Variants in KCNMA1 observed in about 807,000 individuals in gnomAD.
KCNMA1 encodes potassium calcium-activated channel subfamily M alpha 1, also known as Calcium-activated potassium channel subunit alpha-1.
KCNMA1 carries 29 observed loss-of-function variants against 140.0 expected under a neutral mutation model. The ratio of observed to expected loss-of-function variants is 0.21; its 90% CI spans 0.15 to 0.28. The LOEUF (loss-of-function observed/expected upper bound fraction) is 0.28. Ranked by LOEUF, KCNMA1 falls within the 10% of genes least tolerant of loss-of-function variation. The pLI, the probability that KCNMA1 is intolerant of heterozygous loss-of-function variation, is 1.00. For missense variants in KCNMA1, 880 were observed against 1,602.2 expected (o/e 0.55, Z 7.70); for synonymous variants, 612 against 611.9 (o/e 1.00, Z 0.00).
chr10:77,183,130 A>G (rs571914834), intron 5 of KCNMA1, among the ~76,000 whole-genome samples: 14 of 152,166 alleles, frequency 9.2e-5, no homozygotes, highest in Non-Finnish European at 1.9e-4. Context: ...AAGTTCCTGA[A>G]TGAAAAGTGA....
intron 3 of KCNMA1, among the ~76,000 whole-genome samples, chr10:77,198,748 G>T (rs557397180): frequency 8.6e-5 from 13 of 151,676 alleles, no homozygotes; most frequent in Admixed American, 2.6e-4. Flanking sequence ...CATTTTTCTT[G>T]CCTCTTCTGC....
intron 19 of KCNMA1, among the ~76,000 whole-genome samples, chr10:77,001,179 TC>T (rs1455921719): frequency 1.3e-5 from 2 of 151,964 alleles, no homozygotes; most frequent in Non-Finnish European, 2.9e-5. Flanking sequence ...AATATCACAG[TC>T]CTGCATGCTG....
At chr10:76,958,197 T>A (rs1424517983) in intron 20 of KCNMA1, among the ~76,000 whole-genome samples, 1 of 152,024 alleles carries the variant, frequency 6.6e-6, no homozygotes, top group Non-Finnish European at 1.5e-5. Context: ...GATCCCAACA[T>A]CTTCAGTTTG....
intron 1 of KCNMA1, among the ~76,000 whole-genome samples, chr10:77,476,044 A>T (rs1044916143): frequency 1.3e-5 from 2 of 152,068 alleles, no homozygotes; most frequent in Non-Finnish European, 2.9e-5. Context: ...AAGAAGTTCC[A>T]CCCGTACCCC....
chr10:76,932,168 A>G (rs1016784877), intron 23 of KCNMA1, among the ~76,000 whole-genome samples: 2 of 152,182 alleles, frequency 1.3e-5, no homozygotes, highest in African/African-American at 4.8e-5. Context: ...GTATATTTGC[A>G]TATTTATGAC....
intron 14 of KCNMA1, among the ~76,000 whole-genome samples, chr10:77,047,329 A>G (rs1188904468): frequency 6.6e-6 from 1 of 152,216 alleles, no homozygotes; most frequent in African/African-American, 2.4e-5. Context: ...GATTTCTTCC[A>G]TCAGGCATTA....
chr10:76,934,377 T>C (rs949516882), intron 23 of KCNMA1, among the ~76,000 whole-genome samples: 7 of 152,204 alleles, frequency 4.6e-5, no homozygotes, highest in Non-Finnish European at 5.9e-5. Context: ...CTATTGCCTA[T>C]AGAGAATAGG....
At chr10:77,012,079 T>A in intron 17 of KCNMA1, 36 bp from the exon 18 acceptor site, 1 of 1,612,832 alleles carries the variant, frequency 6.2e-7, no homozygotes, top group Non-Finnish European at 8.5e-7. Context: ...ACACGTTTCA[T>A]AATCCACCCA....
At chr10:76,890,996 G>A (rs888952334) in intron 26 of KCNMA1, among the ~76,000 whole-genome samples, 1 of 152,202 alleles carries the variant, frequency 6.6e-6, no homozygotes, top group African/African-American at 2.4e-5. Flanking sequence ...ACCAGTGCCT[G>A]GGTCCTATTC....
intron 25 of KCNMA1, among the ~76,000 whole-genome samples, chr10:76,907,712 T>A (rs1054817032): frequency 3.3e-5 from 5 of 152,226 alleles, no homozygotes; most frequent in South Asian, 2.1e-4. Flanking sequence ...CTAATTTTTT[T>A]ATATTTTTAG....
chr10:77,393,725 C>A (rs2095927225), intron 2 of KCNMA1, among the ~76,000 whole-genome samples: 1 of 152,228 alleles, frequency 6.6e-6, no homozygotes, highest in Non-Finnish European at 1.5e-5. Flanking sequence ...CTCCACCCAT[C>A]CTCCTTGTTT....
intron 5 of KCNMA1, among the ~76,000 whole-genome samples, chr10:77,129,326 T>C (rs1402732513): frequency 6.6e-6 from 1 of 152,168 alleles, no homozygotes; most frequent in Non-Finnish European, 1.5e-5. Context: ...TGCTTTAGAG[T>C]ATCTTTTATT....
intron 5 of KCNMA1, among the ~76,000 whole-genome samples, chr10:77,153,919 C>T (rs1330784716): frequency 1.3e-5 from 2 of 152,100 alleles, no homozygotes; most frequent in South Asian, 2.1e-4. Flanking sequence ...ACTTTCCCAA[C>T]GTCATTTGTA....
At chr10:76,998,849 G>A (rs574623246) in intron 19 of KCNMA1, among the ~76,000 whole-genome samples, 127 of 152,280 alleles carry the variant, frequency 8.3e-4, no homozygotes, top group Non-Finnish European at 1.5e-3. Context: ...GCTTATGCAG[G>A]CCCAAAAAGG....
intron 18 of KCNMA1, chr10:77,008,101 T>C: frequency 7.5e-7 from 1 of 1,337,506 alleles, no homozygotes; most frequent in Non-Finnish European, 1.0e-6. Flanking sequence ...AAACTAAAAC[T>C]GTACAGAAAA....
At chr10:77,624,429 G>C (rs2092142738) in intron 1 of KCNMA1, among the ~76,000 whole-genome samples, 1 of 152,078 alleles carries the variant, frequency 6.6e-6, no homozygotes, top group African/African-American at 2.4e-5. Context: ...TGACAGGTTT[G>C]ATGGTATTTC....
At chr10:76,965,633 C>T (rs891878082) in intron 20 of KCNMA1, among the ~76,000 whole-genome samples, 2 of 152,176 alleles carry the variant, frequency 1.3e-5, no homozygotes, top group Admixed American at 1.3e-4. Context: ...TAGCCACACC[C>T]AGGCATTTAC....
At position 77,217,666 on chromosome 10, in the gene KCNMA1, A is replaced by G. The variant is rs986215656; in HGVS notation, c.603-32750T>C. ...TGGTATGAAGTGCAGTTGCACCTCA[A>G]TTTATGCTGCAGATGCTTTCTTGAA... On this transcript the variant is annotated intron_variant, in intron 3 of 27. Transcript: ENST00000286628. 1.3e-5 allele frequency: 5 copies of G among 386,276 alleles called. No individual in the cohort carries two copies. The East Asian group carries it at 2.2e-4, about 17-fold the overall frequency. 23.9% of individuals were successfully genotyped at this position (386,276 alleles called of 1,614,324 possible). A position where few individuals can be genotyped will look rare whatever the true frequency, so the allele number is the denominator to read the frequency against.
intron 9 of KCNMA1, among the ~76,000 whole-genome samples, chr10:77,101,069 G>A (rs1051339623): frequency 5.9e-5 from 9 of 152,096 alleles, no homozygotes; most frequent in Non-Finnish European, 1.2e-4. Context: ...GATTTAATAT[G>A]CTTCCAAGTC....
Sources: allele counts gnomAD v4.1 joint callset (sites outside exome capture counted in the v4.1 genomes callset), GRCh38; gene constraint gnomAD v4.1.1; transcripts MANE v1.5; gene names NCBI Gene and HGNC (gene_info 2026-07-23, HGNC 2026-07-21).